POLR2E: variants seen among roughly 807,000 people sequenced by gnomAD.
The protein encoded by POLR2E is DNA-directed RNA polymerases I, II, and III subunit RPABC1.
POLR2E carries 35 observed loss-of-function variants against 29.8 expected under a neutral mutation model. The ratio of observed to expected loss-of-function variants is 1.17; its 90% CI spans 0.90 to 1.55. The LOEUF (loss-of-function observed/expected upper bound fraction) is 1.55. Among genes scored for constraint, POLR2E ranks in the 40% most tolerant of loss-of-function variants. POLR2E has a pLI of 0.00. For missense variants in POLR2E, 287 were observed against 288.6 expected, an observed-to-expected ratio of 0.99 and a Z score of 0.04; for synonymous variants, 174 against 112.6, an observed-to-expected ratio of 1.55 and a Z score of -3.45.
chr19:1,093,050 G>C (rs1323466622), intron 2 of POLR2E, among the ~76,000 whole-genome samples: 1 of 151,972 alleles, frequency 6.6e-6, no homozygotes, highest in Admixed American at 6.6e-5. Flanking sequence ...CTAGCCAGGC[G>C]TGGTGGTGGG....
intron 2 of POLR2E, 25 bp downstream of exon 2, chr19:1,093,879 A>C: frequency 1.3e-6 from 2 of 1,546,790 alleles, no homozygotes; most frequent in Non-Finnish European, 1.7e-6. Context: ...GCTTCACCGG[A>C]ACTCCCCCGG....
chr19:1,090,924 T>C lies in POLR2E; in HGVS notation c.413A>G (p.Asn138Ser), dbSNP rs770251481. ...CGCGCCCACCTCGTGCTCCGTGATG[T>C]TGATGAGCAGCTCCTGCTGCAGAAA... The part of the protein sequence containing the change: ...EQFLQQELLI[N>S]ITEHELVPEH... Residue 138 changes from asparagine to serine, a missense_variant, in exon 4 of 8, where the codon AAC becomes AGC. Coordinates refer to ENST00000615234, the MANE Select transcript of POLR2E (RefSeq NM_002695.5). 4 of 1,613,426 alleles carry C rather than the reference T, an allele frequency of 2.5e-6. No individual in the cohort carries two copies. Among genetic ancestry groups the C allele is most frequent in the Non-Finnish European group, 3.4e-6 (4 of 1,179,954 alleles).
chr19:1,092,685 C>G (rs1202889155), intron 2 of POLR2E, among the ~76,000 whole-genome samples: 1 of 150,458 alleles, frequency 6.6e-6, no homozygotes, highest in Non-Finnish European at 1.5e-5. Context: ...AAGACTCTGT[C>G]TCAAAAAAAT....
At position 1,091,918 on chromosome 19, in the gene POLR2E, AGAGT is replaced by A. The variant is rs752373532; in HGVS notation, c.233-15_233-12del. 1 of 1,584,368 alleles carries A rather than the reference AGAGT, an allele frequency of 6.3e-7. No homozygotes were observed. Among genetic ancestry groups the A allele is most frequent in the Non-Finnish European group, 8.7e-7 (1 of 1,154,662 alleles). ...CCACCTTGGGCTCCTCTGCAGACAGAGAGTGTGCTGGCCTGCACGAGCCTGGGCC... is the reference window on the plus strand; with the variant it reads ...CCACCTTGGGCTCCTCTGCAGACAGAGTGCTGGCCTGCACGAGCCTGGGCC... On this transcript the variant is annotated splice_polypyrimidine_tract_variant and intron_variant, in intron 2 of 7. Coordinates refer to ENST00000615234, the MANE Select transcript of POLR2E (RefSeq NM_002695.5).
chr19:1,089,263 G>A (rs1178903248), intron 7 of POLR2E, among the ~76,000 whole-genome samples: 3 of 152,206 alleles, frequency 2.0e-5, no homozygotes, highest in Non-Finnish European at 2.9e-5. Flanking sequence ...GGACTCTCCC[G>A]TCCAGGCGCA....
At chr19:1,091,406 G>A (rs972619731) in intron 3 of POLR2E, 4 of 365,394 alleles carry the variant, frequency 1.1e-5, no homozygotes, top group Non-Finnish European at 2.1e-5. Context: ...AGACAGACGG[G>A]GAACACGGAT....
chr19:1,087,083 T>TGGGCTCAAATGATCCTCCC lies in POLR2E; in HGVS notation c.*1633_*1651dup, dbSNP rs2043704907. 1.3e-5 allele frequency: 2 copies of TGGGCTCAAATGATCCTCCC among 151,906 alleles called. No homozygotes were observed. The highest frequency in any genetic ancestry group is 4.1e-4 in the South Asian group (2 of 4,854). The allele number at this position is 151,906 out of a possible 1,614,324, so 9.4% of individuals were successfully genotyped here. A position where few individuals can be genotyped will look rare whatever the true frequency, so the allele number is the denominator to read the frequency against. ...GTAGCTCACTGCAGCCTCGGCCTCC[T>TGGGCTCAAATGATCCTCCC]GGGCTCAAATGATCCTCCCGCCTCA... On this transcript the variant is annotated 3_prime_UTR_variant, in exon 8 of 8. Transcript: ENST00000615234.
chr19:1,094,967 C>T, intron 1 of POLR2E: 2 of 493,420 alleles, frequency 4.1e-6, no homozygotes, highest in Non-Finnish European at 7.1e-6. Context: ...CCCCCCGTCC[C>T]CATTCGCGGC....
At chr19:1,089,426 C>T (rs926342908) in intron 7 of POLR2E, 46 bp downstream of exon 7, 2 of 1,312,304 alleles carry the variant, frequency 1.5e-6, no homozygotes, top group Admixed American at 1.7e-5. Context: ...GGGACGACAC[C>T]CCTGCCTCTG....
chr19:1,094,103 C>T (rs775601799), intron 1 of POLR2E, 25 bp from the exon 2 acceptor site: 11 of 1,585,682 alleles, frequency 6.9e-6, no homozygotes, highest in Non-Finnish European at 9.4e-6. Flanking sequence ...AACCAGCTGA[C>T]CCCAGGGCAG....
At chr19:1,090,678 A>G (rs1715057929) in intron 4 of POLR2E, among the ~76,000 whole-genome samples, 1 of 151,604 alleles carries the variant, frequency 6.6e-6, no homozygotes, top group South Asian at 2.1e-4. Flanking sequence ...TCGGCCTCCC[A>G]AAGTGCTGGG....
chr19:1,095,101 C>A, intron 1 of POLR2E, 158 bp downstream of exon 1: 1 of 702,254 alleles, frequency 1.4e-6, no homozygotes, highest in Admixed American at 2.8e-5. Context: ...TCGGGTCCAG[C>A]GCCTGGTATC....
At chr19:1,095,142 C>A in intron 1 of POLR2E, 117 bp downstream of exon 1, 1 of 1,097,578 alleles carries the variant, frequency 9.1e-7, no homozygotes. Flanking sequence ...CCGTATCGGC[C>A]CGGCCCTTCA....
chr19:1,095,185 G>C, intron 1 of POLR2E, 74 bp downstream of exon 1: 2 of 1,458,038 alleles, frequency 1.4e-6, no homozygotes, highest in East Asian at 2.3e-5. Flanking sequence ...ACGAGGAGAC[G>C]CCGTGCTCGA....
chr19:1,089,936 CTG>C lies in POLR2E; in HGVS notation c.513_514del (p.Arg172AspfsTer26). On this transcript the variant is annotated frameshift_variant, in exon 6 of 8. Coordinates refer to ENST00000615234, the MANE Select transcript of POLR2E (RefSeq NM_002695.5). LOFTEE classifies it high-confidence loss of function. ...CGCCACAGGGTCCCCCGCCTGGATC[CTG>C]GGCAGCTGGTTCTCTCGGAGCTTAC... 6.2e-7 allele frequency: 1 copy of C among 1,613,018 alleles called. No homozygotes were observed. The highest frequency in any genetic ancestry group is 8.5e-7 in the Non-Finnish European group (1 of 1,179,926).
intron 2 of POLR2E, 114 bp downstream of exon 2, chr19:1,093,790 T>C: frequency 7.0e-7 from 1 of 1,425,756 alleles, no homozygotes; most frequent in Non-Finnish European, 9.2e-7. Context: ...CCTCCCAGAC[T>C]GGGCAGAGAG....
At position 1,089,873 on chromosome 19, in the gene POLR2E, A is replaced by C. The variant is rs2043790630; in HGVS notation, c.567+11T>G. ...AGCAGCCCCAGGGCCCCTTCTCCCC[A>C]CAGGGCTCACCTGCCCACGCTTTAT... is the stretch of plus-strand genomic sequence containing the variant. On this transcript the variant is annotated intron_variant, in intron 6 of 7. Coordinates refer to ENST00000615234, the MANE Select transcript of POLR2E (RefSeq NM_002695.5). 6.2e-7 allele frequency: 1 copy of C among 1,607,598 alleles called. No individual in the cohort carries two copies. The highest frequency in any genetic ancestry group is 8.5e-7 in the Non-Finnish European group (1 of 1,176,532).
intron 1 of POLR2E, chr19:1,094,339 T>C: frequency 4.4e-6 from 2 of 458,038 alleles, no homozygotes; most frequent in Non-Finnish European, 7.7e-6. Context: ...CACAGAAACC[T>C]GGCAGGGAGC....
chr19:1,094,936 G>A (rs2043909148), intron 1 of POLR2E: 1 of 440,982 alleles, frequency 2.3e-6, no homozygotes. Context: ...GAATCACAGA[G>A]AAGGGCAGAG....
Sources: gnomAD v4.1 joint callset for allele counts (sites outside exome capture counted in the v4.1 genomes callset) on GRCh38, gnomAD v4.1.1 for gene constraint, MANE v1.5 for transcripts, NCBI Gene and HGNC (gene_info 2026-07-23, HGNC 2026-07-21) for gene names.